ENGASE: variants seen among roughly 807,000 people sequenced by gnomAD.
ENGASE encodes the protein cytosolic endo-beta-N-acetylglucosaminidase.
Under a neutral mutation model 78.5 loss-of-function variants are expected in ENGASE, and 69 were observed. The observed-to-expected ratio is 0.88, with a 90% confidence interval of 0.72 to 1.07. The LOEUF is 1.07. ENGASE is among the 50% of genes least tolerant of loss of function. The pLI is 0.00. For synonymous variants in ENGASE, 408 were observed against 408.9 expected, an observed-to-expected ratio of 1.00 and a Z score of 0.03; for missense variants, 943 against 988.4, an observed-to-expected ratio of 0.95 and a Z score of 0.62.
chr17:79,077,475 T>C lies in ENGASE; in HGVS notation c.192T>C (p.Ser64=). The C allele has an allele frequency of 6.4e-7, 1 of 1,567,026 alleles. No individual in the cohort carries two copies. The highest frequency in any genetic ancestry group is 1.2e-5 in the South Asian group (1 of 82,056). Residue 64 remains serine, a synonymous_variant, in exon 2 of 14, where the codon AGT becomes AGC. Transcript: ENST00000579016. ...AGACAGTCTTTCGAGAGGTGGTCAG[T>C]TTTTCCCCGGACCCCCTGCCAGGTG... is the stretch of plus-strand genomic sequence containing the variant. The part of the protein sequence containing the change: ...EEETVFREVV[S]FSPDPLPVRY...
rs375906857 is a variant in ENGASE, at chr17:79,081,856, T to G, written c.873-42T>G. 5.6e-5 allele frequency: 88 copies of G among 1,577,984 alleles called. 1 individual carries two copies. In the Middle Eastern group the frequency reaches 5.8e-4, roughly 10 times the overall value. On this transcript the variant is annotated intron_variant, in intron 6 of 13. Transcript: ENST00000579016. Reference sequence around the variant, plus strand: ...AGGGTTGGTGGGGGTGGCCCCATCCTTCTGGGCCTGGGCCTCACAGCAGGT... The same window carrying G: ...AGGGTTGGTGGGGGTGGCCCCATCCGTCTGGGCCTGGGCCTCACAGCAGGT...
Position 79,085,666 on chromosome 17 carries a change from G to A in ENGASE, c.1747G>A (p.Val583Ile), listed in dbSNP as rs749056858. ...TGGGTGCCTGCTGCTAGACCTCCTC[G>A]TTTGCTTCTCACGGCCGCCGGGTAG... ...LRGCLLLDLL[V>I]CFSRPPGSRE... is the part of the protein sequence containing the mutation. The change falls in exon 13 of 14, where the codon GTT (valine) becomes ATT (isoleucine). Residue 583 changes from valine (V) to isoleucine (I), a missense_variant. Physicochemically the swap from Val to Ile is conservative, Grantham distance 29. Transcript: ENST00000579016. 143 of 1,613,826 alleles carry A rather than the reference G, an allele frequency of 8.9e-5. No homozygotes were observed. Among genetic ancestry groups the A allele is most frequent in the Non-Finnish European group, 1.2e-4 (138 of 1,180,012 alleles).
chr17:79,079,398 G>A (rs1232939280), intron 3 of ENGASE, 91 bp from the exon 4 acceptor site: 9 of 1,450,456 alleles, frequency 6.2e-6, no homozygotes, highest in Non-Finnish European at 7.5e-6. Flanking sequence ...AAACTCCTGG[G>A]CTCAAGTGAT....
In ENGASE at chr17:79,083,071, G is replaced by T. The variant is rs374695310; in HGVS notation, c.1090G>T (p.Gly364Cys). Residue 364 changes from glycine to cysteine, a missense_variant, in exon 8 of 14, where the codon GGC (glycine) becomes TGC (cysteine). Transcript: ENST00000579016. The surrounding 1 kb of genome is among the most constrained non-coding windows in gnomAD (Gnocchi z 4.9). ...CTTCTCCGTGGCTTTGTTTGCCCCC[G>T]GCTGGGTGTATGAGTGTCTGGAGAA... is the stretch of plus-strand genomic sequence containing the variant. ...HGFSVALFAP[G>C]WVYECLEKKD... The T allele has an allele frequency of 2.5e-6, 4 of 1,613,958 alleles. No homozygotes were observed. The highest frequency in any genetic ancestry group is 1.1e-5 in the South Asian group (1 of 91,072).
chr17:79,077,620 A>G (rs998075712), intron 2 of ENGASE, 43 bp from the exon 3 acceptor site: 6 of 1,608,612 alleles, frequency 3.7e-6, no homozygotes, highest in Non-Finnish European at 5.1e-6. Context: ...TTAATCCTAT[A>G]ATAGTTTCCA....
rs371931776 is a variant in ENGASE, at chr17:79,085,686, G to T, written c.1767G>T (p.Pro589=). Residue 589 remains proline, a synonymous_variant, in exon 13 of 14, where the codon CCG becomes CCT. Transcript: ENST00000579016. ...LDLLVCFSRP[P]GSREEESFTC... ...TCCTCGTTTGCTTCTCACGGCCGCC[G>T]GGTAGTCGGGAGGAGGAGAGCTTCA... 3.7e-6 allele frequency: 6 copies of T among 1,613,954 alleles called. No individual in the cohort carries two copies. The highest frequency in any genetic ancestry group is 3.3e-5 in the Admixed American group (2 of 60,024).
At chr17:79,075,242 C>A in intron 1 of ENGASE, 152 bp downstream of exon 1, 1 of 956,068 alleles carries the variant, frequency 1.0e-6, no homozygotes, top group Non-Finnish European at 1.3e-6. Flanking sequence ...GGTGGCAGCG[C>A]CCCTCCGCCC....
At position 79,080,041 on chromosome 17, in the gene ENGASE, G is replaced by A. The variant is rs564885894; in HGVS notation, c.566-166G>A. On this transcript the variant is annotated intron_variant, in intron 4 of 13. Transcript: ENST00000579016. ...TGGGCTTCCGTCACCAGGACTGCTGGTCTGCACTGGCAGAGTGTCTGATTC... is the reference window on the plus strand; with the variant it reads ...TGGGCTTCCGTCACCAGGACTGCTGATCTGCACTGGCAGAGTGTCTGATTC... 1.2e-3 allele frequency among the ~76,000 whole-genome samples: 182 copies of A among 152,370 alleles called. 1 individual carries two copies. The highest frequency in any genetic ancestry group is 4.2e-3 in the African/African-American group (176 of 41,594).
Position 79,082,045 on chromosome 17 carries a change from C to T in ENGASE, c.1020C>T (p.Gly340=). 1 of 1,614,212 alleles carries T rather than the reference C, an allele frequency of 6.2e-7. No individual in the cohort carries two copies. The highest frequency in any genetic ancestry group is 8.5e-7 in the Non-Finnish European group (1 of 1,180,016). ...TTGCTCGAGGGAACGTGGTCGGAGG[C>T]CGATTCGACACAGACAAGGTGGGTG... is the stretch of plus-strand genomic sequence containing the variant. ...DVFARGNVVG[G]RFDTDKSLEL... is the part of the protein sequence containing the mutation. Residue 340 remains glycine, a synonymous_variant, in exon 7 of 14, where the codon GGC becomes GGT. Coordinates refer to ENST00000579016, the MANE Select transcript of ENGASE (RefSeq NM_001042573.3).
rs1254164991 is a variant in ENGASE, at chr17:79,083,980, C to T, written c.1442+29C>T. ...GGTGAGTGACGGAGGACGGTGGGCC[C>T]ACCAGCTTCTCCCATCACACGTGGT... On this transcript the variant is annotated intron_variant, in intron 10 of 13. Transcript: ENST00000579016. The surrounding 1 kb of genome is among the most constrained non-coding windows in gnomAD (Gnocchi z 4.9). 6.3e-7 allele frequency: 1 copy of T among 1,592,230 alleles called. No individual in the cohort carries two copies. The highest frequency in any genetic ancestry group is 2.3e-5 in the East Asian group (1 of 44,430).
Position 79,084,609 on chromosome 17 carries a change from CG to C in ENGASE, c.1516del (p.Asp506ThrfsTer8), listed in dbSNP as rs755017951. 2 of 1,611,714 alleles carry C rather than the reference CG, an allele frequency of 1.2e-6. No individual in the cohort carries two copies. Among genetic ancestry groups the C allele is most frequent in the East Asian group, 4.5e-5 (2 of 44,804 alleles). ...ATGGTGTATAAGCTTGAGGGGCCCACGGACGTCACAGTTGCTTTGGAGCTGA... is the reference window on the plus strand; with the variant it reads ...ATGGTGTATAAGCTTGAGGGGCCCACGACGTCACAGTTGCTTTGGAGCTGA... Reference protein sequence around the residue: ...LSMVYKLEGPTDVTVALELTT... With the variant: ...LSMVYKLEGPXDVTVALELTT... On this transcript the variant is annotated frameshift_variant, in exon 11 of 14. Transcript: ENST00000579016. LOFTEE classifies it high-confidence loss of function.
In ENGASE at chr17:79,086,888, G is replaced by A. The variant is rs1301867847; in HGVS notation, c.*539G>A. The A allele has an allele frequency of 2.2e-6, 1 of 454,886 alleles. No individual in the cohort carries two copies. The highest frequency in any genetic ancestry group is 4.4e-6 in the Non-Finnish European group (1 of 226,816). The allele number at this position is 454,886 out of a possible 1,614,324, so 28.2% of individuals were successfully genotyped here. On this transcript the variant is annotated 3_prime_UTR_variant, in exon 14 of 14. Coordinates refer to ENST00000579016, the MANE Select transcript of ENGASE (RefSeq NM_001042573.3). ...GATGCCCTGGAGAACCGTCCTCCCA[G>A]TGTGGAAGGCCCTTTTCCCTGAGGA...
At chr17:79,082,575 T>G in intron 7 of ENGASE, 2 of 1,236,214 alleles carry the variant, frequency 1.6e-6, no homozygotes, top group Non-Finnish European at 2.1e-6. Flanking sequence ...TGGCGTGGGA[T>G]GCGCAGGGCT....
At chr17:79,079,685 C>A in intron 4 of ENGASE, 48 bp downstream of exon 4, 1 of 1,588,764 alleles carries the variant, frequency 6.3e-7, no homozygotes, top group Non-Finnish European at 8.6e-7. Context: ...CCTCAGCTCA[C>A]CAGCCAGGGG....
intron 11 of ENGASE, 127 bp downstream of exon 11, chr17:79,084,813 C>A (rs2073246047): frequency 9.3e-7 from 1 of 1,071,054 alleles, no homozygotes; most frequent in Non-Finnish European, 1.4e-6. Flanking sequence ...CCTGCCTTTG[C>A]CGGAGTCAGG....
At chr17:79,082,546 G>T in intron 7 of ENGASE, 1 of 1,218,774 alleles carries the variant, frequency 8.2e-7, no homozygotes, top group Non-Finnish European at 1.0e-6. Flanking sequence ...AGGAAGGAGC[G>T]GGGCCAGGCC....
At chr17:79,082,615 C>G (rs553287372) in intron 7 of ENGASE, 8 of 1,282,014 alleles carry the variant, frequency 6.2e-6, no homozygotes, top group Non-Finnish European at 8.1e-6. Context: ...CAGTCCTGCC[C>G]GTTCCCAGAG....
At chr17:79,077,192 G>A (rs2043901146) in intron 1 of ENGASE, among the ~76,000 whole-genome samples, 1 of 152,224 alleles carries the variant, frequency 6.6e-6, no homozygotes. Context: ...TTATTCTTAG[G>A]AGTAATCATT....
At chr17:79,080,179 T>C (rs367950681) in intron 4 of ENGASE, 28 bp from the exon 5 acceptor site, 3 of 1,560,720 alleles carry the variant, frequency 1.9e-6, no homozygotes, top group African/African-American at 2.8e-5. Flanking sequence ...TTCCCGTGGC[T>C]GACCTTGTTT....
Sources: allele counts gnomAD v4.1 joint callset (sites outside exome capture counted in the v4.1 genomes callset), GRCh38; gene constraint gnomAD v4.1.1; non-coding constraint Gnocchi (gnomAD v3.1); transcripts MANE v1.5; gene names NCBI Gene and HGNC (gene_info 2026-07-23, HGNC 2026-07-21).